GAD2: variants seen among roughly 807,000 people sequenced by gnomAD.
GAD2 encodes the protein glutamate decarboxylase 2.
A neutral mutation model predicts 80.1 loss-of-function variants in GAD2; 22 were observed. The observed-to-expected ratio is 0.27, with a 90% confidence interval of 0.20 to 0.39. GAD2 has a LOEUF of 0.39. GAD2 is among the 10% of genes least tolerant of loss of function. The pLI is 1.00. For synonymous variants in GAD2, 274 were observed against 256.9 expected, an observed-to-expected ratio of 1.07 and a Z score of -0.64; for missense variants, 624 against 738.4, an observed-to-expected ratio of 0.85 and a Z score of 1.80.
In GAD2 at chr10:26,293,018, A is replaced by G. The variant is rs745773882; in HGVS notation, c.1584+27A>G. 6.4e-6 allele frequency: 10 copies of G among 1,551,312 alleles called. No individual in the cohort carries two copies. In the African/African-American group the frequency reaches 1.2e-4, roughly 19 times the overall value. The stretch of plus-strand genomic sequence containing the variant: ...TCAGTGCTCCAAGCTCCTCTGATAC[A>G]TGTGTGTATTGAGCCTTTCATGTGC... On this transcript the variant is annotated intron_variant, in intron 15 of 15. Coordinates refer to ENST00000376261, the MANE Select transcript of GAD2 (RefSeq NM_001134366.2).
At chr10:26,300,293 T>C (rs57768396) in intron 15 of GAD2, among the ~76,000 whole-genome samples, 3 of 152,168 alleles carry the variant, frequency 2.0e-5, no homozygotes, top group Admixed American at 2.0e-4. Flanking sequence ...AGTGAGGCAC[T>C]GCAAAGAGAG....
intron 4 of GAD2, among the ~76,000 whole-genome samples, chr10:26,221,809 A>G (rs529636522): frequency 1.3e-5 from 2 of 152,294 alleles, no homozygotes; most frequent in South Asian, 2.1e-4. Context: ...TGGCCACCCA[A>G]TGGCTGACGC....
At chr10:26,258,617 CATGA>C (rs1229496599) in intron 8 of GAD2, among the ~76,000 whole-genome samples, 2 of 152,190 alleles carry the variant, frequency 1.3e-5, no homozygotes, top group Non-Finnish European at 2.9e-5. Flanking sequence ...ACCTCACTCA[CATGA>C]ATGGAATCAT....
At chr10:26,283,887 C>T (rs1845300354) in intron 12 of GAD2, among the ~76,000 whole-genome samples, 1 of 152,174 alleles carries the variant, frequency 6.6e-6, no homozygotes, top group African/African-American at 2.4e-5. Context: ...ACCGTTGAGG[C>T]TGTGGGGAGC....
At chr10:26,292,786 G>T in intron 14 of GAD2, 116 bp from the exon 15 acceptor site, 1 of 945,432 alleles carries the variant, frequency 1.1e-6, no homozygotes, top group Non-Finnish European at 1.7e-6. Context: ...GGCAATTCCT[G>T]ATTGAAAAGT....
At chr10:26,250,951 C>G (rs1844873281) in intron 8 of GAD2, among the ~76,000 whole-genome samples, 1 of 145,136 alleles carries the variant, frequency 6.9e-6, no homozygotes, top group Admixed American at 7.1e-5. Flanking sequence ...GTGATCTCAG[C>G]TCACTGCAAG....
intron 15 of GAD2, among the ~76,000 whole-genome samples, chr10:26,299,259 G>C (rs1409156431): frequency 6.6e-6 from 1 of 152,196 alleles, no homozygotes; most frequent in Non-Finnish European, 1.5e-5. Context: ...GATTATTTAA[G>C]AGTTGATATT....
intron 13 of GAD2, among the ~76,000 whole-genome samples, chr10:26,289,238 G>C (rs1834187177): frequency 6.6e-6 from 1 of 152,150 alleles, no homozygotes; most frequent in African/African-American, 2.4e-5. Context: ...GAAGAGCCAT[G>C]AAAGAGTTGG....
intron 7 of GAD2, among the ~76,000 whole-genome samples, chr10:26,232,953 T>G (rs985509146): frequency 6.6e-6 from 1 of 152,224 alleles, no homozygotes; most frequent in Non-Finnish European, 1.5e-5. Context: ...GGCTCTAACT[T>G]TGGCCTATCA....
At chr10:26,236,302 CTTT>C (rs201706752) in intron 7 of GAD2, among the ~76,000 whole-genome samples, 3 of 137,446 alleles carry the variant, frequency 2.2e-5, no homozygotes, top group Non-Finnish European at 1.6e-5. Flanking sequence ...TTTCTTTTTT[CTTT>C]TTTTTTTTTT....
At chr10:26,224,129 C>A (rs1844490229) in intron 5 of GAD2, 152 bp downstream of exon 5, 2 of 587,602 alleles carry the variant, frequency 3.4e-6, no homozygotes, top group Non-Finnish European at 5.9e-6. Flanking sequence ...TTTAATGTAA[C>A]AGAAAGTAGT....
intron 6 of GAD2, among the ~76,000 whole-genome samples, chr10:26,225,463 C>T (rs975447785): frequency 1.2e-4 from 19 of 152,100 alleles, no homozygotes; most frequent in Non-Finnish European, 2.8e-4. Context: ...ATGTGCAGAC[C>T]ATCAGCTAAT....
chr10:26,241,141 AT>A (rs1295695048), intron 7 of GAD2, among the ~76,000 whole-genome samples: 1 of 152,178 alleles, frequency 6.6e-6, no homozygotes, highest in Non-Finnish European at 1.5e-5. Flanking sequence ...TTTAATATCT[AT>A]TGTCCTTAAA....
Position 26,300,907 on chromosome 10 carries a change from C to G in GAD2, c.1704C>G (p.His568Gln), listed in dbSNP as rs201622819. 29 of 1,613,946 alleles carry G rather than the reference C, an allele frequency of 1.8e-5. No individual in the cohort carries two copies. Among genetic ancestry groups the G allele is most frequent in the Non-Finnish European group, 2.5e-5 (29 of 1,179,850 alleles). The change falls in exon 16 of 16, where the codon CAC becomes CAG. Residue 568 changes from histidine to glutamine, a missense_variant. By Grantham distance (24) the His-to-Gln change is conservative. Coordinates refer to ENST00000376261, the MANE Select transcript of GAD2 (RefSeq NM_001134366.2). ...RMVISNPAATHQDIDFLIEEI... is the reference protein window; with the variant it reads ...RMVISNPAATQQDIDFLIEEI... ...TCATCTCAAACCCAGCGGCAACTCA[C>G]CAAGACATTGACTTCCTGATTGAAG...
intron 15 of GAD2, among the ~76,000 whole-genome samples, chr10:26,294,909 C>T (rs571963800): frequency 6.6e-6 from 1 of 152,260 alleles, no homozygotes; most frequent in East Asian, 1.9e-4. Context: ...TTAACAATGA[C>T]TTATTTAACC....
intron 11 of GAD2, among the ~76,000 whole-genome samples, chr10:26,279,502 G>A (rs889180038): frequency 9.9e-5 from 15 of 152,192 alleles, no homozygotes; most frequent in Admixed American, 1.3e-4. Flanking sequence ...TTGGAATTTG[G>A]GCTGGAGGCA....
In GAD2 at chr10:26,281,505, A is replaced by C. The variant is rs8190751; in HGVS notation, c.1236+418A>C. Among the ~76,000 whole-genome samples the C allele has an allele frequency of 7.8e-3, 1,186 of 152,300 alleles. 19 individuals are homozygous for C. The highest frequency in any genetic ancestry group is 0.027 in the African/African-American group (1,129 of 41,564). On this transcript the variant is annotated intron_variant, in intron 12 of 15. Coordinates refer to ENST00000376261, the MANE Select transcript of GAD2 (RefSeq NM_001134366.2). Reference sequence around the variant, plus strand: ...AAGGGTGGTGGTAGGATCCAGATACATAACATGTATATGTATGTGTGCATG... The same window carrying C: ...AAGGGTGGTGGTAGGATCCAGATACCTAACATGTATATGTATGTGTGCATG...
At chr10:26,240,558 C>G (rs1381020272) in intron 7 of GAD2, among the ~76,000 whole-genome samples, 1 of 151,834 alleles carries the variant, frequency 6.6e-6, no homozygotes, top group Non-Finnish European at 1.5e-5. Flanking sequence ...ACAGCAAAAA[C>G]CCATCTGTAT....
At chr10:26,225,626 G>A (rs951540777) in intron 6 of GAD2, among the ~76,000 whole-genome samples, 4 of 152,062 alleles carry the variant, frequency 2.6e-5, no homozygotes, top group East Asian at 3.9e-4. Flanking sequence ...ATGATGAGGC[G>A]GGGATAGGGG....
Sources: gnomAD v4.1 joint callset for allele counts (sites outside exome capture counted in the v4.1 genomes callset) on GRCh38, gnomAD v4.1.1 for gene constraint, MANE v1.5 for transcripts, NCBI Gene and HGNC (gene_info 2026-07-23, HGNC 2026-07-21) for gene names.